Variants in MGMT observed in about 807,000 individuals in gnomAD.
MGMT encodes the protein methylated-DNA--protein-cysteine methyltransferase.
In MGMT, 14 loss-of-function variants were observed where a neutral mutation model predicts 15.9. The ratio of observed to expected loss-of-function variants is 0.88; its 90% CI spans 0.58 to 1.37. The LOEUF is 1.37. MGMT is among the 40% of genes most tolerant of loss of function. The probability of loss-of-function intolerance (pLI) is 0.00; values close to 1 mark genes in which losing one functional copy is unlikely to be tolerated. For missense variants in MGMT, 282 were observed against 268.1 expected (o/e 1.05, Z -0.36); for synonymous variants, 130 against 118.2 (o/e 1.10, Z -0.65).
At chr10:129,687,149 AATTT>A (rs1847913651) in intron 2 of MGMT, among the ~76,000 whole-genome samples, 1 of 151,922 alleles carries the variant, frequency 6.6e-6, no homozygotes, top group Non-Finnish European at 1.5e-5. Context: ...TTTTTTATTT[AATTT>A]ATTTTTATTT....
Position 129,654,556 on chromosome 10 carries a change from G to A in MGMT, c.126-53339G>A, listed in dbSNP as rs551412581. ...CTCAGATCGAGACACCAGCCTCAGCGGGGGCTGAGATAGGGCATTCCCCAT... is the reference window on the plus strand; with the variant it reads ...CTCAGATCGAGACACCAGCCTCAGCAGGGGCTGAGATAGGGCATTCCCCAT... On this transcript the variant is annotated intron_variant, in intron 2 of 4. Coordinates refer to ENST00000651593, the MANE Select transcript of MGMT (RefSeq NM_002412.5). Among the ~76,000 whole-genome samples, 5 of 152,128 alleles carry A rather than the reference G, an allele frequency of 3.3e-5. 1 individual carries two copies. The highest frequency in any genetic ancestry group is 9.7e-5 in the African/African-American group (4 of 41,434).
At chr10:129,585,878 A>C (rs1846612517) in intron 2 of MGMT, among the ~76,000 whole-genome samples, 1 of 152,172 alleles carries the variant, frequency 6.6e-6, no homozygotes, top group African/African-American at 2.4e-5. Context: ...TTATAACAAC[A>C]TGCCAGCATC....
intron 2 of MGMT, among the ~76,000 whole-genome samples, chr10:129,688,201 T>C (rs1270852832): frequency 6.6e-6 from 1 of 152,244 alleles, no homozygotes; most frequent in Non-Finnish European, 1.5e-5. Context: ...TTGGGGTATA[T>C]GTCCAGTAAT....
At chr10:129,599,076 C>T (rs548195020) in intron 2 of MGMT, among the ~76,000 whole-genome samples, 4 of 152,284 alleles carry the variant, frequency 2.6e-5, no homozygotes, top group East Asian at 1.9e-4. Flanking sequence ...ACGAACAATT[C>T]GCAAATCGAG....
intron 2 of MGMT, among the ~76,000 whole-genome samples, chr10:129,657,723 ACACACC>A (rs1264625297): frequency 0.013 from 1,890 of 148,588 alleles, 40 homozygotes; most frequent in African/African-American, 0.015. Context: ...ACACACACAC[ACACACC>A]CCCTCTCCCC....
intron 1 of MGMT, among the ~76,000 whole-genome samples, chr10:129,501,338 C>A (rs2119677253): frequency 6.6e-6 from 1 of 152,278 alleles, no homozygotes; most frequent in Non-Finnish European, 1.5e-5. Flanking sequence ...GTTGGACCTC[C>A]ACATATGTCC....
intron 2 of MGMT, among the ~76,000 whole-genome samples, chr10:129,547,065 A>G (rs1050787936): frequency 1.2e-4 from 18 of 152,210 alleles, no homozygotes; most frequent in African/African-American, 3.9e-4. Flanking sequence ...AACACAGTTT[A>G]TCACACTGCA....
At chr10:129,487,937 A>C (rs796321354) in intron 1 of MGMT, among the ~76,000 whole-genome samples, 1 of 93,816 alleles carries the variant, frequency 1.1e-5, no homozygotes, top group African/African-American at 3.7e-5. Context: ...GTGTGTGTGT[A>C]TATATATACA....
intron 3 of MGMT, among the ~76,000 whole-genome samples, chr10:129,746,335 A>G (rs1237538173): frequency 6.6e-6 from 1 of 151,242 alleles, no homozygotes; most frequent in African/African-American, 2.4e-5. Flanking sequence ...ATGAAGTTCA[A>G]TTTATCTCTC....
chr10:129,491,920 G>A (rs772828798), intron 1 of MGMT, among the ~76,000 whole-genome samples: 27 of 151,800 alleles, frequency 1.8e-4, no homozygotes, highest in Non-Finnish European at 3.7e-4. Context: ...CCAGTATTGT[G>A]GACATCTATT....
intron 2 of MGMT, among the ~76,000 whole-genome samples, chr10:129,609,309 G>T (rs1846931270): frequency 6.6e-6 from 1 of 151,914 alleles, no homozygotes; most frequent in Non-Finnish European, 1.5e-5. Flanking sequence ...GCCCCTGGAG[G>T]CTGGGTGGTA....
intron 3 of MGMT, among the ~76,000 whole-genome samples, chr10:129,719,151 C>G (rs1848337811): frequency 6.6e-6 from 1 of 151,274 alleles, no homozygotes. Context: ...CAGAGCTGGT[C>G]TGTGTGCCCG....
At chr10:129,655,393 A>G (rs1589918200) in intron 2 of MGMT, among the ~76,000 whole-genome samples, 2 of 152,208 alleles carry the variant, frequency 1.3e-5, no homozygotes, top group East Asian at 3.9e-4. Flanking sequence ...TTCACACATT[A>G]CCATTTTTAA....
At chr10:129,478,533 C>T (rs1845321234) in intron 1 of MGMT, among the ~76,000 whole-genome samples, 1 of 152,252 alleles carries the variant, frequency 6.6e-6, no homozygotes, top group Non-Finnish European at 1.5e-5. Context: ...TTCTGTCTAA[C>T]TCACCAATTC....
At chr10:129,526,896 A>C (rs1299447413) in intron 1 of MGMT, among the ~76,000 whole-genome samples, 1 of 152,188 alleles carries the variant, frequency 6.6e-6, no homozygotes, top group East Asian at 1.9e-4. Flanking sequence ...AATTCAGAAC[A>C]TTGTTATTTA....
chr10:129,702,918 G>A (rs907363079), intron 2 of MGMT, among the ~76,000 whole-genome samples: 6 of 152,218 alleles, frequency 3.9e-5, no homozygotes, highest in East Asian at 3.9e-4. Flanking sequence ...AAGCGCCGCC[G>A]TGAGAGAGGC....
chr10:129,576,600 G>A (rs1268196038), intron 2 of MGMT, among the ~76,000 whole-genome samples: 1 of 152,156 alleles, frequency 6.6e-6, no homozygotes, highest in African/African-American at 2.4e-5. Flanking sequence ...ACAAAAACTG[G>A]AAGCATTCCC....
chr10:129,743,112 G>C (rs1471431627), intron 3 of MGMT, among the ~76,000 whole-genome samples: 2 of 152,166 alleles, frequency 1.3e-5, no homozygotes, highest in African/African-American at 4.8e-5. Context: ...GTGGGCTGTT[G>C]GGTGGAGCGG....
At chr10:129,523,599 A>T (rs1845836903) in intron 1 of MGMT, among the ~76,000 whole-genome samples, 1 of 152,046 alleles carries the variant, frequency 6.6e-6, no homozygotes, top group South Asian at 2.1e-4. Flanking sequence ...TTCACACAAG[A>T]CTTGGGGTTC....
Sources: gnomAD v4.1 joint callset for allele counts (sites outside exome capture counted in the v4.1 genomes callset) on GRCh38, gnomAD v4.1.1 for gene constraint, MANE v1.5 for transcripts, NCBI Gene and HGNC (gene_info 2026-07-23, HGNC 2026-07-21) for gene names.